SCP2: variants seen among roughly 807,000 people sequenced by gnomAD.
The protein encoded by SCP2 is sterol carrier protein 2, also known as SCP-2/3-oxoacyl-CoA thiolase.
A neutral mutation model predicts 71.4 loss-of-function variants in SCP2; 48 were observed. That is an observed-to-expected ratio of 0.67 (90% CI 0.53 to 0.86). SCP2 has a LOEUF of 0.86. Ranked by LOEUF, SCP2 falls within the 40% of genes least tolerant of loss-of-function variation. The pLI is 0.00. For synonymous variants in SCP2, 220 were observed against 218.1 expected, an observed-to-expected ratio of 1.01 and a Z score of -0.08; for missense variants, 560 against 655.6, an observed-to-expected ratio of 0.85 and a Z score of 1.59.
chr1:53,043,741 A>G (rs1663589408), intron 14 of SCP2, among the ~76,000 whole-genome samples: 1 of 152,214 alleles, frequency 6.6e-6, no homozygotes, highest in Non-Finnish European at 1.5e-5. Context: ...GCCCCCTTTC[A>G]ATGACCGAGA....
At chr1:53,037,875 T>TACACACACAC (rs1298266602) in intron 13 of SCP2, among the ~76,000 whole-genome samples, 1 of 96,508 alleles carries the variant, frequency 1.0e-5, no homozygotes, top group Non-Finnish European at 2.0e-5. Flanking sequence ...ATCCTGTCTC[T>TACACACACAC]ACATACACAC....
rs1364150337 is a variant in SCP2, at chr1:53,039,009, T to C, written c.1431T>C (p.Asp477=). Residue 477 remains aspartate, a synonymous_variant, in exon 14 of 16, where the codon GAT becomes GAC. Coordinates refer to ENST00000371514, the MANE Select transcript of SCP2 (RefSeq NM_002979.5). ...GTAAAGAGGCCACCTGGGTGGTGGA[T>C]GTGAAGAATGGCAAAGGATCAGTGC... ...PGGKEATWVV[D]VKNGKGSVLP... is the part of the protein sequence containing the mutation. The C allele has an allele frequency of 6.2e-7, 1 of 1,614,208 alleles. No homozygotes were observed. The highest frequency in any genetic ancestry group is 1.3e-5 in the African/African-American group (1 of 75,060).
chr1:52,954,620 G>T, intron 4 of SCP2, 120 bp from the exon 5 acceptor site: 1 of 838,196 alleles, frequency 1.2e-6, no homozygotes. Context: ...AAACTGATGG[G>T]ACTATAAGTT....
chr1:52,991,349 G>A (rs1036650863), intron 11 of SCP2, among the ~76,000 whole-genome samples: 1 of 151,964 alleles, frequency 6.6e-6, no homozygotes, highest in Admixed American at 6.6e-5. Flanking sequence ...CTGCTTAACT[G>A]GTTCTTGTTT....
At chr1:53,040,231 C>G (rs1359361035) in intron 14 of SCP2, among the ~76,000 whole-genome samples, 5 of 151,484 alleles carry the variant, frequency 3.3e-5, no homozygotes, top group African/African-American at 9.8e-5. Flanking sequence ...TGCTCAAAAG[C>G]ATCCAATAGC....
intron 11 of SCP2, chr1:52,993,504 C>G: frequency 1.2e-6 from 2 of 1,612,836 alleles, no homozygotes; most frequent in Non-Finnish European, 1.7e-6. Flanking sequence ...TTATAGATTT[C>G]TTCAAAACTG....
chr1:52,962,008 C>T (rs1009765118), intron 6 of SCP2, among the ~76,000 whole-genome samples: 1 of 152,144 alleles, frequency 6.6e-6, no homozygotes, highest in Admixed American at 6.5e-5. Context: ...CTCAAGCGAT[C>T]CTTCCACCCC....
intron 6 of SCP2, among the ~76,000 whole-genome samples, chr1:52,969,910 T>A (rs1460601697): frequency 6.6e-6 from 1 of 152,220 alleles, no homozygotes; most frequent in African/African-American, 2.4e-5. Context: ...ATTCATGTCA[T>A]AGCATGTATT....
intron 4 of SCP2, among the ~76,000 whole-genome samples, chr1:52,953,936 T>G (rs1655554371): frequency 6.7e-6 from 1 of 149,820 alleles, no homozygotes; most frequent in African/African-American, 2.5e-5. Context: ...GAGCCATGAT[T>G]GCACTACTGC....
intron 5 of SCP2, among the ~76,000 whole-genome samples, chr1:52,959,890 T>C (rs890197630): frequency 1.3e-5 from 2 of 151,270 alleles, no homozygotes. Context: ...TTACTGATTT[T>C]CAATTTTTTT....
At chr1:52,959,818 C>T (rs974684191) in intron 5 of SCP2, among the ~76,000 whole-genome samples, 16 of 151,580 alleles carry the variant, frequency 1.1e-4, no homozygotes, top group African/African-American at 3.9e-4. Context: ...TTTCCATGGT[C>T]ATCTTTTGTC....
At chr1:52,951,107 C>A (rs550223675) in intron 4 of SCP2, among the ~76,000 whole-genome samples, 8 of 151,918 alleles carry the variant, frequency 5.3e-5, no homozygotes, top group Non-Finnish European at 8.8e-5. Flanking sequence ...TGTAACAAAA[C>A]CCCGTCTCTA....
intron 11 of SCP2, chr1:52,994,349 T>A (rs1001290485): frequency 1.1e-6 from 1 of 913,158 alleles, no homozygotes; most frequent in African/African-American, 1.8e-5. Flanking sequence ...ATATGATATT[T>A]CATTTTAGTT....
At chr1:53,033,947 T>G (rs1189967483) in intron 13 of SCP2, among the ~76,000 whole-genome samples, 1 of 152,026 alleles carries the variant, frequency 6.6e-6, no homozygotes, top group Non-Finnish European at 1.5e-5. Context: ...ATCCATACAA[T>G]GGAATATTAT....
intron 12 of SCP2, among the ~76,000 whole-genome samples, chr1:53,023,948 C>T (rs1572201719): frequency 6.6e-6 from 1 of 152,110 alleles, no homozygotes; most frequent in Non-Finnish European, 1.5e-5. Flanking sequence ...CCATCCAAGA[C>T]CTACAGACCC....
chr1:53,041,839 G>T (rs764087572), intron 14 of SCP2, among the ~76,000 whole-genome samples: 5 of 152,178 alleles, frequency 3.3e-5, no homozygotes, highest in Non-Finnish European at 7.4e-5. Flanking sequence ...TGGAAGCAAG[G>T]TTACCTCTAG....
At chr1:52,993,224 T>A (rs768675635) in intron 11 of SCP2, 23 of 1,614,064 alleles carry the variant, frequency 1.4e-5, no homozygotes, top group Non-Finnish European at 1.9e-5. Flanking sequence ...GCAGCCTTTC[T>A]TGTCTTTTTC....
At chr1:52,997,095 C>G (rs1246399847) in intron 11 of SCP2, among the ~76,000 whole-genome samples, 2 of 152,180 alleles carry the variant, frequency 1.3e-5, no homozygotes, top group Non-Finnish European at 1.5e-5. Context: ...CAGCATTATT[C>G]ATAATAGTCA....
At chr1:52,965,529 A>G (rs901475445) in intron 6 of SCP2, among the ~76,000 whole-genome samples, 2 of 152,092 alleles carry the variant, frequency 1.3e-5, no homozygotes, top group Non-Finnish European at 2.9e-5. Flanking sequence ...ATTCCTAAAT[A>G]CCTTCTTTAA....
Sources: allele counts gnomAD v4.1 joint callset (sites outside exome capture counted in the v4.1 genomes callset), GRCh38; gene constraint gnomAD v4.1.1; transcripts MANE v1.5; gene names NCBI Gene and HGNC (gene_info 2026-07-23, HGNC 2026-07-21).